Variants in WDR27 observed in about 807,000 individuals in gnomAD.
WDR27 encodes the protein WD repeat domain 27.
WDR27 carries 100 observed loss-of-function variants against 114.4 expected under a neutral mutation model. That is an observed-to-expected ratio of 0.87 (90% CI 0.74 to 1.03). The LOEUF is 1.03. Ranked by LOEUF, WDR27 falls within the 50% of genes least tolerant of loss-of-function variation. WDR27 has a pLI of 0.00. For synonymous variants in WDR27, 449 were observed against 423.1 expected, an observed-to-expected ratio of 1.06 and a Z score of -0.75; for missense variants, 1,129 against 1,092.9, an observed-to-expected ratio of 1.03 and a Z score of -0.47.
At chr6:169,494,811 C>T (rs1347930627) in intron 25 of WDR27, among the ~76,000 whole-genome samples, 1 of 152,078 alleles carries the variant, frequency 6.6e-6, no homozygotes, top group Non-Finnish European at 1.5e-5. Context: ...GGTAAATTTT[C>T]CTGTGGAATA....
chr6:169,609,155 C>G (rs528943224), intron 22 of WDR27, among the ~76,000 whole-genome samples: 177 of 151,970 alleles, frequency 1.2e-3, no homozygotes, highest in Admixed American at 3.6e-3. Flanking sequence ...GCTTTCACAG[C>G]CTGGTGTTGA....
chr6:169,481,708 C>T (rs1194898461), intron 25 of WDR27, among the ~76,000 whole-genome samples: 2 of 152,088 alleles, frequency 1.3e-5, no homozygotes, highest in Non-Finnish European at 2.9e-5. Context: ...CACGAACCCA[C>T]TGGGAGAGAT....
chr6:169,602,348 G>T lies in WDR27; in HGVS notation c.2322-27C>A, dbSNP rs1484525367. On this transcript the variant is annotated intron_variant, in intron 22 of 25. Coordinates refer to ENST00000448612, the MANE Select transcript of WDR27 (RefSeq NM_182552.5). ...TACAGGGAGGAAAGAAACACCAGGA[G>T]AAAAATCATTTTAAAATTTGAATGC... 13 of 1,445,222 alleles carry T rather than the reference G, an allele frequency of 9.0e-6. No homozygotes were observed. The Admixed American group carries it at 1.5e-4, about 16-fold the overall frequency. The allele number at this position is 1,445,222 out of a possible 1,614,324, so 89.5% of individuals were successfully genotyped here.
chr6:169,640,930 A>T (rs1562783802), intron 17 of WDR27, among the ~76,000 whole-genome samples: 1 of 152,218 alleles, frequency 6.6e-6, no homozygotes, highest in Non-Finnish European at 1.5e-5. Flanking sequence ...GTGAGGCCAC[A>T]CAGGAGGGAG....
Position 169,583,492 on chromosome 6 carries a change from TATATATATATATGTATATATACACAC to T in WDR27, c.2425-584_2425-559del, listed in dbSNP as rs1562630233. Among the ~76,000 whole-genome samples, 96 of 103,484 alleles carry T rather than the reference TATATATATATATGTATATATACACAC, an allele frequency of 9.3e-4. 1 individual carries two copies. Among genetic ancestry groups the T allele is most frequent in the Admixed American group, 2.8e-3 (29 of 10,526 alleles). The allele number at this position is 103,484 out of a possible 152,430, so 67.9% of individuals were successfully genotyped here. A position where few individuals can be genotyped will look rare whatever the true frequency, so the allele number is the denominator to read the frequency against. On this transcript the variant is annotated intron_variant, in intron 23 of 25. Coordinates refer to ENST00000448612, the MANE Select transcript of WDR27 (RefSeq NM_182552.5). ...GTGTGTGTGTGTGTATATATACATA[TATATATATATATGTATATATACACAC>T]ACACACACACACACACACACACATA...
chr6:169,539,012 C>A (rs1796526588), intron 25 of WDR27, among the ~76,000 whole-genome samples: 1 of 152,182 alleles, frequency 6.6e-6, no homozygotes, highest in Non-Finnish European at 1.5e-5. Flanking sequence ...TGAATCTCCT[C>A]TAATTTATTA....
intron 25 of WDR27, among the ~76,000 whole-genome samples, chr6:169,514,725 C>G (rs1793403125): frequency 6.9e-6 from 1 of 145,164 alleles, no homozygotes; most frequent in Non-Finnish European, 1.5e-5. Flanking sequence ...AGACATCATT[C>G]TAATCGTTCT....
intron 10 of WDR27, among the ~76,000 whole-genome samples, 178 bp downstream of exon 10, chr6:169,660,485 C>T (rs1185982732): frequency 6.6e-6 from 1 of 152,120 alleles, no homozygotes; most frequent in Non-Finnish European, 1.5e-5. Flanking sequence ...CGGGAAGGGC[C>T]CTCGTCCTTC....
At chr6:169,681,139 CCCA>C (rs2128314995) in intron 2 of WDR27, among the ~76,000 whole-genome samples, 1 of 152,318 alleles carries the variant, frequency 6.6e-6, no homozygotes, top group African/African-American at 2.4e-5. Flanking sequence ...AACCTAAATT[CCCA>C]CCAATAGGAG....
At chr6:169,577,685 G>A (rs1313400198) in intron 24 of WDR27, among the ~76,000 whole-genome samples, 2 of 152,218 alleles carry the variant, frequency 1.3e-5, no homozygotes, top group African/African-American at 2.4e-5. Flanking sequence ...CGGGAAACCG[G>A]CCTTTTCCTC....
At chr6:169,580,155 G>T (rs1485837903) in intron 24 of WDR27, among the ~76,000 whole-genome samples, 2 of 152,166 alleles carry the variant, frequency 1.3e-5, no homozygotes, top group Non-Finnish European at 2.9e-5. Context: ...TTGTGTGTAT[G>T]TTTTTATATC....
At chr6:169,693,225 T>C (rs1784960526) in intron 1 of WDR27, among the ~76,000 whole-genome samples, 1 of 152,222 alleles carries the variant, frequency 6.6e-6, no homozygotes. Context: ...GCTAAGAATT[T>C]TGTATCCAGC....
chr6:169,513,983 C>T (rs1793286224), intron 25 of WDR27, among the ~76,000 whole-genome samples: 1 of 152,130 alleles, frequency 6.6e-6, no homozygotes, highest in African/African-American at 2.4e-5. Flanking sequence ...TATCTCAGAA[C>T]TGCGGGACAT....
At chr6:169,440,628 T>C in the WDR27 span, among the ~76,000 whole-genome samples, 1 of 152,142 alleles carries the variant, frequency 6.6e-6, no homozygotes, top group African/African-American at 2.4e-5. Flanking sequence ...TAAGTGAAAA[T>C]CTATTTATTA....
At chr6:169,679,230 A>C (rs1486929141) in intron 2 of WDR27, among the ~76,000 whole-genome samples, 2 of 152,134 alleles carry the variant, frequency 1.3e-5, no homozygotes, top group Non-Finnish European at 1.5e-5. Flanking sequence ...TGCCCTGACC[A>C]CCTTGGGCAC....
At chr6:169,443,922 G>A in the WDR27 span, among the ~76,000 whole-genome samples, 2 of 152,196 alleles carry the variant, frequency 1.3e-5, no homozygotes, top group Non-Finnish European at 2.9e-5. Context: ...AGCAAGGCAC[G>A]TAGGGATGTC....
At chr6:169,440,831 A>G in the WDR27 span, among the ~76,000 whole-genome samples, 2 of 152,160 alleles carry the variant, frequency 1.3e-5, no homozygotes, top group African/African-American at 2.4e-5. Context: ...GCTTTAATTC[A>G]TCTTAATCAT....
At chr6:169,689,494 A>G (rs565171722) in intron 1 of WDR27, among the ~76,000 whole-genome samples, 6 of 152,238 alleles carry the variant, frequency 3.9e-5, no homozygotes, top group Non-Finnish European at 8.8e-5. Flanking sequence ...CGCATCTCCC[A>G]TAACTAACCT....
In WDR27 at chr6:169,466,239, A is replaced by G. The variant is rs1785568679; in HGVS notation, c.2646-8605T>C. On this transcript the variant is annotated intron_variant, in intron 25 of 25. Coordinates refer to ENST00000448612, the MANE Select transcript of WDR27 (RefSeq NM_182552.5). The stretch of plus-strand genomic sequence containing the variant: ...ACTTTTTTTGGAGGGAGTCAGCTTA[A>G]TAAGGCCAGCTCTCTTATATGCCGT... 2.0e-5 allele frequency among the ~76,000 whole-genome samples: 3 copies of G among 152,268 alleles called. No individual in the cohort carries two copies. In the South Asian group the frequency reaches 6.2e-4, roughly 32 times the overall value.
Sources: gnomAD v4.1 joint callset for allele counts (sites outside exome capture counted in the v4.1 genomes callset) on GRCh38, gnomAD v4.1.1 for gene constraint, MANE v1.5 for transcripts, NCBI Gene and HGNC (gene_info 2026-07-23, HGNC 2026-07-21) for gene names.